Variants in FAM120C observed in about 807,000 individuals in gnomAD.
The protein encoded by FAM120C is family with sequence similarity 120 member C.
A neutral mutation model predicts 71.2 loss-of-function variants in FAM120C; 14 were observed. That is an observed-to-expected ratio of 0.20 (90% CI 0.13 to 0.31). The LOEUF is 0.31. Among genes scored for constraint, FAM120C ranks in the 10% least tolerant of loss-of-function variants. The probability of loss-of-function intolerance (pLI) is 1.00; values close to 1 mark genes in which losing one functional copy is unlikely to be tolerated. For missense variants in FAM120C, 500 were observed against 879.0 expected (o/e 0.57, Z 5.45); for synonymous variants, 354 against 353.2 (o/e 1.00, Z -0.03).
At chrX:54,153,409 AT>A (rs1196407275) in intron 3 of FAM120C, among the ~76,000 whole-genome samples, 250 of 99,011 alleles carry the variant, frequency 2.5e-3, no homozygotes, top group Middle Eastern at 0.01. Flanking sequence ...TGGATAATAT[AT>A]TTTTTTTTTT....
chrX:54,116,715 T>C lies in FAM120C; in HGVS notation c.2142A>G (p.Thr714=), dbSNP rs782159035. The C allele has an allele frequency of 2.5e-6, 3 of 1,211,719 alleles. No individual in the cohort carries two copies. The Admixed American group carries it at 6.5e-5, about 26-fold the overall frequency. The change falls in exon 10 of 16, where the codon ACA becomes ACG. Residue 714 remains threonine, a synonymous_variant. Transcript: ENST00000375180. ...GGTTTGGGCAAGTCCATTCCCGAAA[T>C]GTCAGTGCAGACACCAGCTCAGGGG... is the stretch of plus-strand genomic sequence containing the variant. ...PQTPELVSAL[T]FREWTCPNLK... is the part of the protein sequence containing the mutation.
chrX:54,137,092 A>T (rs928197792), intron 4 of FAM120C, among the ~76,000 whole-genome samples: 35 of 110,611 alleles, frequency 3.2e-4, no homozygotes, highest in Non-Finnish European at 6.1e-4. Flanking sequence ...AGCTGGGATT[A>T]CAGGTGTGTG....
rs782023167 is a variant in FAM120C, at chrX:54,073,209, C to T, written c.3115G>A (p.Ala1039Thr). ...TCACTCTTCTCTTCCTTGATCAATGCGCCACTGTTTCCATTTACCTGGGAG... is the reference window on the plus strand; with the variant it reads ...TCACTCTTCTCTTCCTTGATCAATGTGCCACTGTTTCCATTTACCTGGGAG... Reference protein sequence around the residue: ...SRSQVNGNSGALIKEEKSDHR... With the variant: ...SRSQVNGNSGTLIKEEKSDHR... The change falls in exon 16 of 16, where the codon GCA (alanine) becomes ACA (threonine). Residue 1039 changes from alanine (A) to threonine (T), a missense_variant. By Grantham distance (58) the Ala-to-Thr change is moderately conservative. Coordinates refer to ENST00000375180, the MANE Select transcript of FAM120C (RefSeq NM_017848.6). 16 of 1,208,507 alleles carry T rather than the reference C, an allele frequency of 1.3e-5. No individual in the cohort carries two copies. The South Asian group carries it at 1.8e-4, about 13-fold the overall frequency.
At chrX:54,161,775 G>GC (rs782353204) in intron 1 of FAM120C, among the ~76,000 whole-genome samples, 2 of 112,092 alleles carry the variant, frequency 1.8e-5, no homozygotes, top group Non-Finnish European at 3.8e-5. Flanking sequence ...GGGGCTACGG[G>GC]CGCATGCCAC....
intron 4 of FAM120C, among the ~76,000 whole-genome samples, chrX:54,148,960 T>TA (rs1169480786): frequency 1.8e-5 from 2 of 111,406 alleles, no homozygotes; most frequent in African/African-American, 6.5e-5. Flanking sequence ...ATTTGTCAAT[T>TA]AAAAAAATAA....
intron 15 of FAM120C, among the ~76,000 whole-genome samples, chrX:54,079,027 A>G (rs868917949): frequency 4.3e-4 from 47 of 108,959 alleles, no homozygotes; most frequent in Middle Eastern, 4.7e-3. Flanking sequence ...TTGGGAGGCC[A>G]AGGCGGGCAG....
rs2066710708 is a variant in FAM120C at position 54,071,946 on chromosome X, ATG to A, written c.*1085_*1086del. 1 of 102,785 alleles carries A rather than the reference ATG, an allele frequency of 9.7e-6. No individual in the cohort carries two copies. The highest frequency in any genetic ancestry group is 3.1e-4 in the East Asian group (1 of 3,245). 8.5% of individuals were successfully genotyped at this position (102,785 alleles called of 1,213,427 possible). On this transcript the variant is annotated 3_prime_UTR_variant, in exon 16 of 16. Transcript: ENST00000375180. The stretch of plus-strand genomic sequence containing the variant: ...CTGGGACATCACCATGTATGTATGT[ATG>A]TATGTATGTATGTATGTATGTGTGT...
intron 4 of FAM120C, among the ~76,000 whole-genome samples, chrX:54,148,276 A>G (rs954452188): frequency 1.8e-5 from 2 of 110,991 alleles, no homozygotes; most frequent in Admixed American, 9.7e-5. Context: ...GAACAAACCA[A>G]TTTTAAAAAA....
intron 10 of FAM120C, among the ~76,000 whole-genome samples, chrX:54,100,683 CACAT>C (rs2066877983): frequency 9.0e-6 from 1 of 111,659 alleles, no homozygotes; most frequent in African/African-American, 3.2e-5. Flanking sequence ...AAAAAACACA[CACAT>C]ACACACATAC....
intron 3 of FAM120C, among the ~76,000 whole-genome samples, chrX:54,153,532 C>T (rs984098669): frequency 2.8e-4 from 30 of 107,153 alleles, no homozygotes; most frequent in African/African-American, 9.6e-4. Context: ...CTCAGCCTCC[C>T]GAGTAGCTAA....
chrX:54,129,340 C>T (rs1234228580), intron 9 of FAM120C, among the ~76,000 whole-genome samples: 5 of 108,230 alleles, frequency 4.6e-5, no homozygotes, highest in South Asian at 4.1e-4. Flanking sequence ...ACCTCCCAGA[C>T]GGGGTCGCAG....
At chrX:54,075,666 G>T (rs2066731165) in intron 15 of FAM120C, among the ~76,000 whole-genome samples, 1 of 109,136 alleles carries the variant, frequency 9.2e-6, no homozygotes, top group Admixed American at 9.9e-5. Flanking sequence ...AGGCGTGGTA[G>T]CGGGCGCCTG....
chrX:54,169,111 C>A (rs1470755844), intron 1 of FAM120C, among the ~76,000 whole-genome samples: 1 of 110,960 alleles, frequency 9.0e-6, no homozygotes, highest in Non-Finnish European at 1.9e-5. Context: ...CTGGGCAACA[C>A]AGTGAGATCC....
chrX:54,141,368 C>G (rs1297518512), intron 4 of FAM120C, among the ~76,000 whole-genome samples: 5 of 111,178 alleles, frequency 4.5e-5, no homozygotes, highest in Non-Finnish European at 7.5e-5. Context: ...AAAAATCAAT[C>G]TAAAATATTA....
intron 9 of FAM120C, among the ~76,000 whole-genome samples, chrX:54,125,400 G>A (rs1557127837): frequency 9.0e-6 from 1 of 110,971 alleles, no homozygotes; most frequent in African/African-American, 3.3e-5. Context: ...CTGGGCTCAA[G>A]TGATCCTCTC....
intron 10 of FAM120C, among the ~76,000 whole-genome samples, chrX:54,103,695 C>G (rs2066892720): frequency 9.0e-6 from 1 of 110,507 alleles, no homozygotes; most frequent in Admixed American, 9.7e-5. Context: ...TGTGATAATA[C>G]TACATTATTT....
At chrX:54,088,434 A>T (rs1355588277) in intron 11 of FAM120C, among the ~76,000 whole-genome samples, 1 of 108,294 alleles carries the variant, frequency 9.2e-6, no homozygotes, top group African/African-American at 3.4e-5. Flanking sequence ...TCTACTAAAA[A>T]TACAAAAATT....
At chrX:54,106,195 C>T (rs1050688594) in intron 10 of FAM120C, among the ~76,000 whole-genome samples, 7 of 111,770 alleles carry the variant, frequency 6.3e-5, no homozygotes, top group Non-Finnish European at 1.1e-4. Flanking sequence ...CAGCATGGTA[C>T]TGGTACCAAA....
chrX:54,136,686 C>A (rs2067096297), intron 4 of FAM120C, 96 bp from the exon 5 acceptor site: 2 of 634,558 alleles, frequency 3.2e-6, no homozygotes, highest in South Asian at 3.2e-5. Context: ...TATCAGAAAT[C>A]AAATATTTAA....
Sources: allele counts gnomAD v4.1 joint callset (sites outside exome capture counted in the v4.1 genomes callset), GRCh38; gene constraint gnomAD v4.1.1; transcripts MANE v1.5; gene names NCBI Gene and HGNC (gene_info 2026-07-23, HGNC 2026-07-21).